The following ACACA variants were observed in gnomAD, a reference collection of about 807,000 sequenced individuals.
ACACA encodes the protein acetyl-CoA carboxylase 1.
Under a neutral mutation model 296.1 loss-of-function variants are expected in ACACA, and 103 were observed. The observed-to-expected ratio is 0.35, with a 90% CI of 0.30 to 0.41. ACACA has a LOEUF of 0.41. Among genes scored for constraint, ACACA ranks in the 10% least tolerant of loss-of-function variants. ACACA has a pLI of 1.00. For synonymous variants in ACACA, 953 were observed against 1,038.6 expected (o/e 0.92, Z 1.58); for missense variants, 1,554 against 2,989.7 (o/e 0.52, Z 11.20).
Position 37,248,640 on chromosome 17 carries a change from T to C in ACACA, c.2116A>G (p.Thr706Ala). Residue 706 changes from threonine (T) to alanine (A), a missense_variant, in exon 17 of 56, where the codon ACA becomes GCA. By Grantham distance (58) the Thr-to-Ala change is moderately conservative. Around this residue, in one of 16 missense-constraint regions of ACACA, gnomAD observed 316 missense variants for 540.9 expected, o/e 0.58. Coordinates refer to ENST00000616317, the MANE Select transcript of ACACA (RefSeq NM_198834.3). ...TCATAGATAAGTTCAACATCTACTG[T>C]ATTCAGAAGTGTATGAGCAGGAAGG... ...QVLPAHTLLN[T>A]VDVELIYEGV... 6.2e-7 allele frequency: 1 copy of C among 1,611,804 alleles called. No individual in the cohort carries two copies. The highest frequency in any genetic ancestry group is 8.5e-7 in the Non-Finnish European group (1 of 1,178,348).
intron 1 of ACACA, among the ~76,000 whole-genome samples, chr17:37,358,378 G>T (rs932835178): frequency 1.3e-5 from 2 of 152,180 alleles, no homozygotes; most frequent in African/African-American, 4.8e-5. Context: ...GGCAAACGAG[G>T]AGAGTAACAA....
chr17:37,297,204 G>A (rs2083382731), intron 3 of ACACA, among the ~76,000 whole-genome samples: 1 of 151,412 alleles, frequency 6.6e-6, no homozygotes, highest in Admixed American at 6.6e-5. Flanking sequence ...CACTTTGAGA[G>A]GCCAAGGCGG....
rs557242909 is a variant in ACACA at position 37,213,748 on chromosome 17, T to C, written c.3684-3258A>G. ...CCCGGCACTAAGTCACCTCTGATTT[T>C]ATTGCTCTGCCTGCCCAGAATGGCT... On this transcript the variant is annotated intron_variant, in intron 29 of 55. Coordinates refer to ENST00000616317, the MANE Select transcript of ACACA (RefSeq NM_198834.3). 3.2e-4 allele frequency among the ~76,000 whole-genome samples: 48 copies of C among 152,308 alleles called. No individual in the cohort carries two copies. The South Asian group carries it at 3.5e-3, about 11-fold the overall frequency.
rs377187087 is a variant in ACACA, at chr17:37,286,697, C to G, written c.339-1727G>C. On this transcript the variant is annotated intron_variant, in intron 3 of 55. Transcript: ENST00000616317. ...CAGTGGGTTGTGGCTCTTTGGCAGT[C>G]AGAATATCAACCTTGCCATGCTCAC... 1.1e-4 allele frequency among the ~76,000 whole-genome samples: 17 copies of G among 152,258 alleles called. No homozygotes were observed. In the East Asian group the frequency reaches 2.5e-3, roughly 22 times the overall value.
chr17:37,313,410 A>G (rs1453543643), intron 3 of ACACA, among the ~76,000 whole-genome samples: 1 of 152,230 alleles, frequency 6.6e-6, no homozygotes, highest in Non-Finnish European at 1.5e-5. Context: ...TCATTTCAAC[A>G]AACAGTATCT....
chr17:37,277,063 G>C lies in ACACA; in HGVS notation c.772C>G (p.Leu258Val), dbSNP rs1440467496. The C allele has an allele frequency of 6.2e-7, 1 of 1,613,978 alleles. No homozygotes were observed. Among genetic ancestry groups the C allele is most frequent in the African/African-American group, 1.3e-5 (1 of 74,904 alleles). The change falls in exon 7 of 56, where the codon CTT becomes GTT. Residue 258 changes from leucine (L) to valine (V), a missense_variant. Leu to Val is a conservative substitution (Grantham distance 32). Coordinates refer to ENST00000616317, the MANE Select transcript of ACACA (RefSeq NM_198834.3). ...AAGGCAATGCCATTTTTCAAGAGAA[G>C]TTCCGGTAGTTTGGGATTCTCAGAA... ...HASENPKLPELLLKNGIAFMG... is the reference protein window; with the variant it reads ...HASENPKLPEVLLKNGIAFMG...
At chr17:37,165,117 A>ACCCCG (rs1216868808) in intron 41 of ACACA, among the ~76,000 whole-genome samples, 5 of 94,738 alleles carry the variant, frequency 5.3e-5, no homozygotes, top group Non-Finnish European at 8.9e-5. Flanking sequence ...CCGCCTCCCC[A>ACCCCG]CCCCGCCCCG....
At chr17:37,264,818 G>C (rs1369499921) in intron 10 of ACACA, among the ~76,000 whole-genome samples, 2 of 152,204 alleles carry the variant, frequency 1.3e-5, no homozygotes, top group African/African-American at 2.4e-5. Flanking sequence ...CATGTAGCAA[G>C]TCATCTCAAA....
intron 1 of ACACA, among the ~76,000 whole-genome samples, chr17:37,346,551 A>T (rs1255783155): frequency 6.8e-6 from 1 of 147,764 alleles, no homozygotes; most frequent in African/African-American, 2.5e-5. Context: ...AATACAAAAA[A>T]ATTAGCCGGG....
chr17:37,172,087 G>T (rs2076904974), intron 41 of ACACA, among the ~76,000 whole-genome samples: 1 of 152,158 alleles, frequency 6.6e-6, no homozygotes, highest in Non-Finnish European at 1.5e-5. Flanking sequence ...GAGCTGTAAA[G>T]TTTCTTGACA....
At chr17:37,146,785 A>C (rs2075829268) in intron 45 of ACACA, among the ~76,000 whole-genome samples, 1 of 151,938 alleles carries the variant, frequency 6.6e-6, no homozygotes, top group Non-Finnish European at 1.5e-5. Context: ...AGGAGTGAGC[A>C]TCAAGAACAA....
chr17:37,179,518 G>A, intron 40 of ACACA, 112 bp from the exon 41 acceptor site: 1 of 1,196,152 alleles, frequency 8.4e-7, no homozygotes, highest in Non-Finnish European at 1.2e-6. Flanking sequence ...GTGTTCTGCA[G>A]AGTGTAAACA....
At chr17:37,090,831 G>GT (rs1410608374) in intron 54 of ACACA, among the ~76,000 whole-genome samples, 1 of 151,724 alleles carries the variant, frequency 6.6e-6, no homozygotes, top group Non-Finnish European at 1.5e-5. Context: ...CTGCTCCGTG[G>GT]TTTCAGGACT....
chr17:37,200,618 T>G, intron 33 of ACACA, 135 bp from the exon 34 acceptor site: 1 of 793,250 alleles, frequency 1.3e-6, no homozygotes, highest in East Asian at 2.7e-5. Flanking sequence ...CTTAGTACCT[T>G]CAAACTTGCA....
intron 29 of ACACA, among the ~76,000 whole-genome samples, chr17:37,212,199 T>C (rs2078777383): frequency 6.6e-6 from 1 of 152,158 alleles, no homozygotes; most frequent in Non-Finnish European, 1.5e-5. Context: ...CTCTCAACTG[T>C]TAACAAATTT....
intron 1 of ACACA, among the ~76,000 whole-genome samples, chr17:37,397,956 C>G (rs35707017): frequency 0.24 from 36,882 of 151,848 alleles, 4,591 homozygotes; most frequent in Middle Eastern, 0.37. Context: ...GGGGGCTGGG[C>G]GCGGTGACTC....
chr17:37,096,885 C>T (rs1018149362), intron 54 of ACACA, 111 bp downstream of exon 54: 9 of 1,294,748 alleles, frequency 7.0e-6, no homozygotes, highest in Non-Finnish European at 1.0e-5. Flanking sequence ...TCTATGTTTC[C>T]CTTCTACTCC....
chr17:37,103,036 A>C (rs904172484), intron 52 of ACACA, among the ~76,000 whole-genome samples: 1 of 152,232 alleles, frequency 6.6e-6, no homozygotes, highest in Non-Finnish European at 1.5e-5. Context: ...GTGAAGGTCA[A>C]GGATTTGTGT....
intron 11 of ACACA, among the ~76,000 whole-genome samples, chr17:37,263,218 G>T (rs2081595449): frequency 6.6e-6 from 1 of 152,142 alleles, no homozygotes; most frequent in South Asian, 2.1e-4. Flanking sequence ...TATTCCGAAG[G>T]CATCGCTCAT....
Sources: gnomAD v4.1 joint callset for allele counts (sites outside exome capture counted in the v4.1 genomes callset) on GRCh38, gnomAD v4.1.1 for gene constraint, gnomAD v4.1.1 regional missense constraint, MANE v1.5 for transcripts, NCBI Gene and HGNC (gene_info 2026-07-23, HGNC 2026-07-21) for gene names.